Variants in HMGN3 observed in about 807,000 individuals in gnomAD.
HMGN3 encodes the protein high mobility group nucleosome-binding domain-containing protein 3.
Under a neutral mutation model 18.8 loss-of-function variants are expected in HMGN3, and 6 were observed. The observed-to-expected ratio is 0.32, with a 90% CI of 0.18 to 0.63. The LOEUF (loss-of-function observed/expected upper bound fraction) is 0.63, where lower values mean the gene tolerates loss of function less well. HMGN3 is among the 30% of genes least tolerant of loss of function. The probability of loss-of-function intolerance (pLI) is 0.79; values close to 1 mark genes in which losing one functional copy is unlikely to be tolerated. For missense variants in HMGN3, 107 were observed against 114.2 expected (o/e 0.94, Z 0.29); for synonymous variants, 40 against 36.5 (o/e 1.10, Z -0.35).
intron 3 of HMGN3, among the ~76,000 whole-genome samples, chr6:79,206,545 G>A (rs1776429352): frequency 6.6e-6 from 1 of 152,226 alleles, no homozygotes. Context: ...CCTCTGCGTA[G>A]ATTTCAGAAG....
At chr6:79,234,523 A>G (rs1483859115) in intron 1 of HMGN3, 23 bp downstream of exon 1, 1 of 1,609,434 alleles carries the variant, frequency 6.2e-7, no homozygotes, top group African/African-American at 1.3e-5. Context: ...AGGCTTTTGA[A>G]ATCTTTTTTT....
At chr6:79,203,207 C>T (rs1461727566) in intron 4 of HMGN3, among the ~76,000 whole-genome samples, 2 of 152,128 alleles carry the variant, frequency 1.3e-5, no homozygotes, top group African/African-American at 2.4e-5. Flanking sequence ...GACTGGCCTG[C>T]GAAATCCAGT....
chr6:79,208,563 G>C, exon 3 of HMGN3: 1 of 1,610,654 alleles, frequency 6.2e-7, no homozygotes, highest in Non-Finnish European at 8.5e-7. Flanking sequence ...CAATCTGGCA[G>C]ACCGTCTTGT....
chr6:79,232,116 T>C (rs12661489), intron 1 of HMGN3, among the ~76,000 whole-genome samples: 61,886 of 152,152 alleles, frequency 0.41, 14,647 homozygotes, highest in East Asian at 0.8. Flanking sequence ...TATTATATTG[T>C]AGAGCAGACA....
chr6:79,201,851 G>C, intron 5 of HMGN3, 125 bp from the exon 7 acceptor site: 2 of 1,462,782 alleles, frequency 1.4e-6, no homozygotes, highest in South Asian at 2.9e-5. Context: ...CAGCTTTACT[G>C]CAAAACCTAT....
intron 1 of HMGN3, among the ~76,000 whole-genome samples, chr6:79,230,910 C>T (rs1245121440): frequency 6.6e-6 from 1 of 152,172 alleles, no homozygotes; most frequent in Non-Finnish European, 1.5e-5. Flanking sequence ...AAACCTTGAT[C>T]ATGGTTAGTT....
chr6:79,215,423 G>A (rs1776930032), intron 1 of HMGN3, among the ~76,000 whole-genome samples: 1 of 152,228 alleles, frequency 6.6e-6, no homozygotes. Context: ...ATAAGGGCAG[G>A]ATGCTGGTAA....
intron 1 of HMGN3, among the ~76,000 whole-genome samples, chr6:79,216,952 A>G (rs1203305578): frequency 6.6e-6 from 1 of 152,200 alleles, no homozygotes; most frequent in Admixed American, 6.5e-5. Context: ...GTACATAGCT[A>G]TTATAAGAAA....
intron 1 of HMGN3, among the ~76,000 whole-genome samples, chr6:79,215,842 T>C (rs1465811794): frequency 6.6e-6 from 1 of 152,236 alleles, no homozygotes; most frequent in African/African-American, 2.4e-5. Context: ...ACTAAACTAC[T>C]TAGAAAACTA....
At chr6:79,231,672 A>G (rs1227886983) in intron 1 of HMGN3, among the ~76,000 whole-genome samples, 1 of 152,196 alleles carries the variant, frequency 6.6e-6, no homozygotes, top group African/African-American at 2.4e-5. Context: ...TCATGTTAAG[A>G]TACAATCAGG....
At chr6:79,210,999 C>T (rs1386511786) in intron 2 of HMGN3, among the ~76,000 whole-genome samples, 30 of 67,708 alleles carry the variant, frequency 4.4e-4, no homozygotes, top group African/African-American at 1.5e-3. Context: ...TAAAAAGCCT[C>T]GGAAATTAAT....
exon 6 of HMGN3, chr6:79,201,687 T>G (rs1274109907): frequency 3.8e-6 from 6 of 1,582,248 alleles, no homozygotes; most frequent in Non-Finnish European, 5.2e-6. Context: ...TTCATGACAA[T>G]TCATTCTCCC....
intron 1 of HMGN3, among the ~76,000 whole-genome samples, chr6:79,222,265 G>GT (rs1171768810): frequency 7.3e-5 from 11 of 151,164 alleles, no homozygotes; most frequent in South Asian, 2.1e-4. Flanking sequence ...TACTTTTATT[G>GT]TTTTTTTTCA....
chr6:79,229,194 T>A (rs1475122216), intron 1 of HMGN3, among the ~76,000 whole-genome samples: 1 of 152,208 alleles, frequency 6.6e-6, no homozygotes, highest in Admixed American at 6.5e-5. Context: ...ATATTAACAC[T>A]AAATGGATTT....
chr6:79,214,826 C>G (rs1440300456), intron 2 of HMGN3, 146 bp downstream of exon 2: 1 of 599,434 alleles, frequency 1.7e-6, no homozygotes, highest in Non-Finnish European at 2.9e-6. Flanking sequence ...ACTTATCGCT[C>G]TTTCAGGTAG....
intron 1 of HMGN3, among the ~76,000 whole-genome samples, chr6:79,221,195 T>A (rs1270565601): frequency 2.6e-5 from 4 of 152,258 alleles, no homozygotes; most frequent in African/African-American, 7.2e-5. Flanking sequence ...ATTTCTTCAA[T>A]ATCGTATCAA....
rs184201580 is a variant in HMGN3, at chr6:79,204,935, T to C, written c.97-1305A>G. On this transcript the variant is annotated intron_variant, in intron 3 of 5. Transcript: ENST00000344726. The stretch of plus-strand genomic sequence containing the variant: ...CTTTGATATACTGTATTAATATACA[T>C]GTTTTCTCCATTTACAGTAAACAAT... 4.6e-3 allele frequency among the ~76,000 whole-genome samples: 703 copies of C among 152,378 alleles called. 5 individuals are homozygous for C. The highest frequency in any genetic ancestry group is 0.015 in the African/African-American group (634 of 41,590).
chr6:79,217,389 G>A (rs1459777001), intron 1 of HMGN3, among the ~76,000 whole-genome samples: 1 of 152,134 alleles, frequency 6.6e-6, no homozygotes, highest in African/African-American at 2.4e-5. Context: ...ACTTGATCAC[G>A]GTGGCTCAGT....
intron 1 of HMGN3, among the ~76,000 whole-genome samples, chr6:79,229,105 T>C (rs1267938796): frequency 6.6e-6 from 1 of 152,176 alleles, no homozygotes; most frequent in South Asian, 2.1e-4. Context: ...ATGGATAACA[T>C]ACCTAAATAT....
Sources: gnomAD v4.1 joint callset for allele counts (sites outside exome capture counted in the v4.1 genomes callset) on GRCh38, gnomAD v4.1.1 for gene constraint, MANE v1.5 for transcripts, NCBI Gene and HGNC (gene_info 2026-07-23, HGNC 2026-07-21) for gene names.